CHD9: variants seen among roughly 807,000 people sequenced by gnomAD.
The protein encoded by CHD9 is chromodomain helicase DNA binding protein 9.
A neutral mutation model predicts 316.1 loss-of-function variants in CHD9; 77 were observed. The observed-to-expected ratio is 0.24, with a 90% CI of 0.20 to 0.29. CHD9 has a LOEUF of 0.29. CHD9 is among the 10% of genes least tolerant of loss of function. The pLI is 1.00. For synonymous variants in CHD9, 1,129 were observed against 1,158.3 expected, an observed-to-expected ratio of 0.97 and a Z score of 0.51; for missense variants, 2,763 against 3,438.1, an observed-to-expected ratio of 0.80 and a Z score of 4.91.
rs574071298 is a variant in CHD9, at chr16:53,249,815, A to G, written c.3666-56A>G. The G allele has an allele frequency of 1.7e-5, 22 of 1,330,158 alleles. No homozygotes were observed. In the African/African-American group the frequency reaches 2.3e-4, roughly 14 times the overall value. The allele number at this position is 1,330,158 out of a possible 1,614,324, so 82.4% of individuals were successfully genotyped here. On this transcript the variant is annotated intron_variant, in intron 16 of 38. Transcript: ENST00000447540. ...AAACTGACTTTACATTTGATAGAATATGTCTTCAGTTTTATTATACTTATT... is the reference window on the plus strand; with the variant it reads ...AAACTGACTTTACATTTGATAGAATGTGTCTTCAGTTTTATTATACTTATT...
Position 53,214,198 on chromosome 16 carries a change from G to A in CHD9, c.1784+4385G>A, listed in dbSNP as rs548956576. On this transcript the variant is annotated intron_variant, in intron 3 of 38. Transcript: ENST00000447540. Reference sequence around the variant, plus strand: ...TAGGTGTGTATTTTTAACAAAACTAGCATCTATGTCCACATGTATGTCTTT... The same window carrying A: ...TAGGTGTGTATTTTTAACAAAACTAACATCTATGTCCACATGTATGTCTTT... Among the ~76,000 whole-genome samples, 6 of 152,068 alleles carry A rather than the reference G, an allele frequency of 3.9e-5. No homozygotes were observed. The East Asian group carries it at 7.7e-4, about 20-fold the overall frequency.
Position 53,245,389 on chromosome 16 carries a change from A to C in CHD9, c.3108A>C (p.Leu1036=), listed in dbSNP as rs926840469. Residue 1036 remains leucine (L), a synonymous_variant, in exon 14 of 39, where the codon CTA becomes CTC. Transcript: ENST00000447540. The surrounding 1 kb of genome is among the most constrained non-coding windows in gnomAD (Gnocchi z 4.1). ...GTPLQNTVEE[L]FSLLHFLEPL... is the part of the protein sequence containing the mutation. ...CTCTCCAAAATACAGTTGAAGAACT[A>C]TTTAGTCTTCTTCACTTTCTTGAAC... 6 of 1,590,616 alleles carry C rather than the reference A, an allele frequency of 3.8e-6. No homozygotes were observed. The Admixed American group carries it at 9.0e-5, about 24-fold the overall frequency.
At chr16:53,227,176 A>G (rs1043638623) in intron 5 of CHD9, 1 of 358,682 alleles carries the variant, frequency 2.8e-6, no homozygotes, top group African/African-American at 2.2e-5. Context: ...GCACATTAAA[A>G]AGCACAATAT....
intron 1 of CHD9, among the ~76,000 whole-genome samples, chr16:53,100,838 A>G (rs531091506): frequency 2.0e-5 from 3 of 152,300 alleles, no homozygotes; most frequent in Admixed American, 6.5e-5. Flanking sequence ...CTCTGTCTCC[A>G]ATCTGTAATA....
intron 2 of CHD9, among the ~76,000 whole-genome samples, chr16:53,207,423 G>A (rs1017373599): frequency 6.6e-6 from 1 of 152,116 alleles, no homozygotes; most frequent in South Asian, 2.1e-4. Context: ...ATGTTAAGAC[G>A]ATGAAACAAT....
rs549073274 is a variant in CHD9, at chr16:53,221,531, C to T, written c.1785-1113C>T. On this transcript the variant is annotated intron_variant, in intron 3 of 38. Transcript: ENST00000447540. Reference sequence around the variant, plus strand: ...TAATTACCGTGGTTTAAAATCATGCCCCTGCATCTGTTGAAGCAGATAAGG... The same window carrying T: ...TAATTACCGTGGTTTAAAATCATGCTCCTGCATCTGTTGAAGCAGATAAGG... 7.9e-5 allele frequency among the ~76,000 whole-genome samples: 12 copies of T among 151,976 alleles called. No individual in the cohort carries two copies. In the East Asian group the frequency reaches 2.1e-3, roughly 27 times the overall value.
chr16:53,201,175 A>G (rs1415697059), intron 2 of CHD9, among the ~76,000 whole-genome samples: 3 of 152,224 alleles, frequency 2.0e-5, no homozygotes, highest in Middle Eastern at 3.2e-3. Flanking sequence ...TGATAAATTC[A>G]GCATATTTAA....
At chr16:53,278,279 G>A (rs2053061765) in intron 24 of CHD9, among the ~76,000 whole-genome samples, 2 of 151,918 alleles carry the variant, frequency 1.3e-5, no homozygotes, top group Non-Finnish European at 1.5e-5. Context: ...CATATGGAAT[G>A]AAAAAAGAGC....
intron 1 of CHD9, among the ~76,000 whole-genome samples, chr16:53,128,103 C>T (rs2039053808): frequency 6.6e-6 from 1 of 152,160 alleles, no homozygotes; most frequent in Non-Finnish European, 1.5e-5. Context: ...CGTCATAGCA[C>T]AGGCTTTCTG....
At chr16:53,096,287 C>T (rs1252849490) in intron 1 of CHD9, among the ~76,000 whole-genome samples, 6 of 152,136 alleles carry the variant, frequency 3.9e-5, no homozygotes, top group African/African-American at 1.4e-4. Flanking sequence ...GACCACGTCA[C>T]TGTCTTATTC....
intron 27 of CHD9, among the ~76,000 whole-genome samples, chr16:53,291,023 AT>A (rs1168739965): frequency 6.6e-6 from 1 of 152,214 alleles, no homozygotes; most frequent in Non-Finnish European, 1.5e-5. Context: ...GTTTCAAGAA[AT>A]AAAATAAGTC....
rs192253925 is a variant in CHD9, at chr16:53,113,444, C to T, written c.-164-42482C>T. ...TCTCCTGCCTCAGCCTCCCGAGTAG[C>T]TGGGACCACAGGTACATGCTACCAC... is the stretch of plus-strand genomic sequence containing the variant. On this transcript the variant is annotated intron_variant, in intron 1 of 38. Transcript: ENST00000447540. 1.5e-3 allele frequency among the ~76,000 whole-genome samples: 221 copies of T among 146,486 alleles called. 1 individual carries two copies. Among genetic ancestry groups the T allele is most frequent in the Non-Finnish European group, 2.4e-3 (163 of 67,304 alleles).
intron 1 of CHD9, among the ~76,000 whole-genome samples, chr16:53,131,582 C>A (rs558343335): frequency 3.4e-4 from 52 of 151,696 alleles, no homozygotes; most frequent in African/African-American, 1.2e-3. Context: ...CCTGTTGCGT[C>A]GTGTGGAGGT....
intron 2 of CHD9, among the ~76,000 whole-genome samples, chr16:53,174,541 T>C (rs1222334638): frequency 6.6e-6 from 1 of 152,194 alleles, no homozygotes; most frequent in South Asian, 2.1e-4. Flanking sequence ...AATGTAATCA[T>C]TTCTGTTTTG....
intron 2 of CHD9, among the ~76,000 whole-genome samples, chr16:53,158,899 A>G (rs2152750703): frequency 6.6e-6 from 1 of 152,252 alleles, no homozygotes; most frequent in East Asian, 1.9e-4. Flanking sequence ...GGCCTCCCAA[A>G]GTGCTGGGAT....
At chr16:53,093,920 G>A (rs1301617539) in intron 1 of CHD9, among the ~76,000 whole-genome samples, 1 of 152,178 alleles carries the variant, frequency 6.6e-6, no homozygotes, top group African/African-American at 2.4e-5. Context: ...ACTGGCTTTG[G>A]TTCGATTGCG....
In CHD9 at chr16:53,245,862, A is replaced by C; in HGVS notation, c.3454+12A>C. On this transcript the variant is annotated intron_variant, in intron 15 of 38. Coordinates refer to ENST00000447540, the MANE Select transcript of CHD9 (RefSeq NM_001308319.2). The surrounding 1 kb of genome is among the most constrained non-coding windows in gnomAD (Gnocchi z 4.1). ...ATATCTTATAAAAGGTAGCTAAAAA[A>C]GATTACAACAAATATGTTTTTTCTT... The C allele has an allele frequency of 6.8e-7, 1 of 1,470,772 alleles. No individual in the cohort carries two copies. Among genetic ancestry groups the C allele is most frequent in the Non-Finnish European group, 9.0e-7 (1 of 1,109,732 alleles). The allele number at this position is 1,470,772 out of a possible 1,614,324, so 91.1% of individuals were successfully genotyped here. A position where few individuals can be genotyped will look rare whatever the true frequency, so the allele number is the denominator to read the frequency against.
At chr16:53,274,613 G>A (rs934190927) in intron 24 of CHD9, among the ~76,000 whole-genome samples, 2 of 151,936 alleles carry the variant, frequency 1.3e-5, no homozygotes, top group African/African-American at 2.4e-5. Context: ...GCGTCACCAC[G>A]CCCGGCTAAT....
At chr16:53,189,783 T>G (rs2044333257) in intron 2 of CHD9, among the ~76,000 whole-genome samples, 1 of 152,100 alleles carries the variant, frequency 6.6e-6, no homozygotes, top group African/African-American at 2.4e-5. Flanking sequence ...GACTGTGCAA[T>G]TTTTTCCATG....
Sources: allele counts gnomAD v4.1 joint callset (sites outside exome capture counted in the v4.1 genomes callset), GRCh38; gene constraint gnomAD v4.1.1; non-coding constraint Gnocchi (gnomAD v3.1); transcripts MANE v1.5; gene names NCBI Gene and HGNC (gene_info 2026-07-23, HGNC 2026-07-21).